Variants in PTPRM observed in about 807,000 individuals in gnomAD.
The protein encoded by PTPRM is receptor-type tyrosine-protein phosphatase mu.
Under a neutral mutation model 186.7 loss-of-function variants are expected in PTPRM, and 47 were observed. The observed-to-expected ratio is 0.25, with a 90% confidence interval of 0.20 to 0.32. The LOEUF (loss-of-function observed/expected upper bound fraction) is 0.32, where lower values mean the gene tolerates loss of function less well. Among genes scored for constraint, PTPRM ranks in the 10% least tolerant of loss-of-function variants. The pLI, the probability that PTPRM is intolerant of heterozygous loss-of-function variation, is 1.00. For missense variants in PTPRM, 1,494 were observed against 1,865.0 expected, an observed-to-expected ratio of 0.80 and a Z score of 3.66; for synonymous variants, 668 against 674.9, an observed-to-expected ratio of 0.99 and a Z score of 0.16.
intron 1 of PTPRM, among the ~76,000 whole-genome samples, chr18:7,675,266 CATT>C (rs2039308260): frequency 6.6e-6 from 1 of 152,080 alleles, no homozygotes; most frequent in Non-Finnish European, 1.5e-5. Flanking sequence ...GTTTTAAAAA[CATT>C]ATTTCAGTTG....
intron 11 of PTPRM, among the ~76,000 whole-genome samples, chr18:8,113,242 A>G (rs921848372): frequency 2.5e-4 from 38 of 152,318 alleles, no homozygotes; most frequent in Middle Eastern, 3.4e-3. Context: ...ATGATGGTGA[A>G]TTTTGTTTCT....
intron 1 of PTPRM, among the ~76,000 whole-genome samples, chr18:7,715,982 G>A (rs141559412): frequency 6.6e-6 from 1 of 152,280 alleles, no homozygotes; most frequent in African/African-American, 2.4e-5. Flanking sequence ...AGCTACTATT[G>A]ACTTTCTTCA....
intron 2 of PTPRM, among the ~76,000 whole-genome samples, chr18:7,804,090 C>A (rs1448647856): frequency 6.6e-6 from 1 of 152,176 alleles, no homozygotes; most frequent in Non-Finnish European, 1.5e-5. Flanking sequence ...CAAAGGTACT[C>A]CCTTAGGTAT....
At chr18:7,722,193 G>A (rs2040459311) in intron 1 of PTPRM, among the ~76,000 whole-genome samples, 1 of 152,106 alleles carries the variant, frequency 6.6e-6, no homozygotes, top group Admixed American at 6.5e-5. Flanking sequence ...CCACTAATCT[G>A]CTTTCTGTCT....
rs567614017 is a variant in PTPRM at position 7,993,280 on chromosome 18, G to T, written c.1132+37866G>T. The stretch of plus-strand genomic sequence containing the variant: ...AACTATTGTGAATGCCAGAGGAGAA[G>T]AGATAGAAAAAAGCATTGAAAAACC... On this transcript the variant is annotated intron_variant, in intron 7 of 32. Coordinates refer to ENST00000580170, the MANE Select transcript of PTPRM (RefSeq NM_001105244.2). Among the ~76,000 whole-genome samples the T allele has an allele frequency of 6.6e-5, 10 of 151,992 alleles. No homozygotes were observed. The South Asian group carries it at 1.9e-3, about 28-fold the overall frequency.
At chr18:7,634,467 G>A (rs2038266913) in intron 1 of PTPRM, among the ~76,000 whole-genome samples, 1 of 152,152 alleles carries the variant, frequency 6.6e-6, no homozygotes, top group East Asian at 1.9e-4. Flanking sequence ...TGTCCCCATG[G>A]CTGTGAAGGT....
At chr18:7,583,309 A>G (rs1255709407) in intron 1 of PTPRM, among the ~76,000 whole-genome samples, 3 of 152,294 alleles carry the variant, frequency 2.0e-5, no homozygotes, top group African/African-American at 4.8e-5. Flanking sequence ...ATGTGATCCT[A>G]TTAGGTGAAG....
intron 2 of PTPRM, among the ~76,000 whole-genome samples, chr18:7,804,759 A>G (rs910727322): frequency 7.2e-5 from 11 of 152,336 alleles, no homozygotes; most frequent in African/African-American, 2.6e-4. Context: ...TTTATTTTAG[A>G]TCACTTTCTT....
At chr18:7,822,607 T>G (rs1054037213) in intron 2 of PTPRM, among the ~76,000 whole-genome samples, 1 of 152,218 alleles carries the variant, frequency 6.6e-6, no homozygotes, top group African/African-American at 2.4e-5. Flanking sequence ...ATCTCCAGCT[T>G]GTTCTGCATT....
rs1175284030 is a variant in PTPRM, at chr18:8,378,274, G to A, written c.3472G>A (p.Val1158Met). Residue 1158 changes from valine (V) to methionine (M), a missense_variant, in exon 27 of 33, where the codon GTG becomes ATG. By Grantham distance (21) the Val-to-Met change is conservative. Transcript: ENST00000580170. ...VNMVQTEEQY[V>M]FIHDAILEAC... ...CCATCTCCTTCTCCAGGAGCAGTAT[G>A]TGTTTATCCACGATGCGATCCTGGA... 12 of 1,611,230 alleles carry A rather than the reference G, an allele frequency of 7.4e-6. No homozygotes were observed. Among genetic ancestry groups the A allele is most frequent in the Non-Finnish European group, 1.0e-5 (12 of 1,177,542 alleles).
At chr18:8,125,348 G>A (rs1003469302) in intron 13 of PTPRM, among the ~76,000 whole-genome samples, 3 of 152,032 alleles carry the variant, frequency 2.0e-5, no homozygotes, top group Non-Finnish European at 2.9e-5. Flanking sequence ...ACTAGGGAGT[G>A]TTGCTTAAAC....
chr18:7,667,334 T>C (rs1212836146), intron 1 of PTPRM, among the ~76,000 whole-genome samples: 3 of 152,196 alleles, frequency 2.0e-5, no homozygotes, highest in Non-Finnish European at 4.4e-5. Context: ...GTTAACGTAT[T>C]GATGCTTCAT....
intron 1 of PTPRM, among the ~76,000 whole-genome samples, chr18:7,736,851 T>C (rs1053744882): frequency 1.3e-5 from 2 of 152,204 alleles, no homozygotes; most frequent in African/African-American, 4.8e-5. Context: ...TGCCTGTCTT[T>C]GGTCTTATTT....
chr18:8,387,921 A>G (rs540709281), intron 31 of PTPRM, among the ~76,000 whole-genome samples: 1 of 147,376 alleles, frequency 6.8e-6, no homozygotes, highest in African/African-American at 2.5e-5. Context: ...CTGCACATTG[A>G]GAATTATTTG....
rs552698288 is a variant in PTPRM at position 7,577,525 on chromosome 18, CAG to C, written c.73+9637_73+9638del. Among the ~76,000 whole-genome samples the C allele has an allele frequency of 4.6e-5, 7 of 152,284 alleles. No homozygotes were observed. The East Asian group carries it at 1.2e-3, about 25-fold the overall frequency. On this transcript the variant is annotated intron_variant, in intron 1 of 32. Coordinates refer to ENST00000580170, the MANE Select transcript of PTPRM (RefSeq NM_001105244.2). ...TAGAATGAAATGAATTATACCTACA[CAG>C]AGCTCAGACAGCATCATGATAACAT...
chr18:7,587,217 G>A (rs2037001583), intron 1 of PTPRM, among the ~76,000 whole-genome samples: 1 of 152,044 alleles, frequency 6.6e-6, no homozygotes, highest in Non-Finnish European at 1.5e-5. Context: ...AAATCAACTG[G>A]GCTTTCGATG....
At chr18:8,297,997 G>A (rs1431102970) in intron 20 of PTPRM, among the ~76,000 whole-genome samples, 2 of 152,154 alleles carry the variant, frequency 1.3e-5, no homozygotes, top group Non-Finnish European at 2.9e-5. Flanking sequence ...TCTTGATACT[G>A]GACACTGAGG....
intron 2 of PTPRM, 25 bp from the exon 3 acceptor site, chr18:7,888,081 A>G: frequency 6.2e-7 from 1 of 1,613,828 alleles, no homozygotes; most frequent in Non-Finnish European, 8.5e-7. Flanking sequence ...TCAGGGTATG[A>G]CTCTCCTTGA....
chr18:7,842,826 A>ATG (rs1366098037), intron 2 of PTPRM, among the ~76,000 whole-genome samples: 3 of 91,560 alleles, frequency 3.3e-5, no homozygotes, highest in East Asian at 6.3e-4. Flanking sequence ...GTATATATAT[A>ATG]TGTATATATA....
Sources: gnomAD v4.1 joint callset for allele counts (sites outside exome capture counted in the v4.1 genomes callset) on GRCh38, gnomAD v4.1.1 for gene constraint, MANE v1.5 for transcripts, NCBI Gene and HGNC (gene_info 2026-07-23, HGNC 2026-07-21) for gene names.